Variants in PARVA observed in about 807,000 individuals in gnomAD.
The protein encoded by PARVA is alpha-parvin.
In PARVA, 25 loss-of-function variants were observed where a neutral mutation model predicts 52.6. The ratio of observed to expected loss-of-function variants is 0.48; its 90% CI spans 0.35 to 0.66. The LOEUF (loss-of-function observed/expected upper bound fraction) is 0.66. PARVA is among the 30% of genes least tolerant of loss of function. The pLI, the probability that PARVA is intolerant of heterozygous loss-of-function variation, is 0.01. For missense variants in PARVA, 373 were observed against 450.9 expected, an observed-to-expected ratio of 0.83 and a Z score of 1.56; for synonymous variants, 185 against 179.1, an observed-to-expected ratio of 1.03 and a Z score of -0.26.
intron 1 of PARVA, among the ~76,000 whole-genome samples, chr11:12,413,650 C>T (rs1007688501): frequency 1.3e-5 from 2 of 152,210 alleles, no homozygotes; most frequent in Non-Finnish European, 2.9e-5. Context: ...CATGATCTTA[C>T]GTGCACCTCT....
intron 7 of PARVA, among the ~76,000 whole-genome samples, chr11:12,509,040 C>G (rs529194053): frequency 6.6e-6 from 1 of 150,686 alleles, no homozygotes; most frequent in South Asian, 2.1e-4. Context: ...CCCAGAAAGC[C>G]TCTCTACCTT....
At chr11:12,437,954 G>A (rs1269222463) in intron 1 of PARVA, among the ~76,000 whole-genome samples, 1 of 152,018 alleles carries the variant, frequency 6.6e-6, no homozygotes, top group Admixed American at 6.6e-5. Flanking sequence ...CTGTCTTCTG[G>A]TTCTATAAAA....
At chr11:12,430,207 T>G (rs1375736688) in intron 1 of PARVA, among the ~76,000 whole-genome samples, 1 of 152,230 alleles carries the variant, frequency 6.6e-6, no homozygotes, top group Non-Finnish European at 1.5e-5. Context: ...TGTGTAGTAG[T>G]ACTTCTGCCA....
chr11:12,481,507 A>G (rs1383862465), intron 4 of PARVA, among the ~76,000 whole-genome samples: 1 of 151,662 alleles, frequency 6.6e-6, no homozygotes, highest in East Asian at 1.9e-4. Context: ...TTCTTACTCC[A>G]GTCCTGAAAT....
chr11:12,520,408 G>T (rs1299592095), intron 12 of PARVA, among the ~76,000 whole-genome samples: 1 of 152,236 alleles, frequency 6.6e-6, no homozygotes, highest in Admixed American at 6.5e-5. Flanking sequence ...GCCAATGTGG[G>T]TAATTCTTTG....
intron 3 of PARVA, 109 bp from the exon 4 acceptor site, chr11:12,477,738 C>T (rs1488278319): frequency 4.4e-6 from 3 of 675,514 alleles, no homozygotes; most frequent in Non-Finnish European, 7.9e-6. Flanking sequence ...AACTTAAAAT[C>T]TAAAGTTAAT....
intron 1 of PARVA, among the ~76,000 whole-genome samples, chr11:12,449,504 C>T (rs1940595087): frequency 6.6e-6 from 1 of 152,182 alleles, no homozygotes. Flanking sequence ...AAGGCTCTGT[C>T]TTCTAAGGAA....
chr11:12,520,939 AGAAAGGAAAAAAG>A (rs1941629552), intron 12 of PARVA, among the ~76,000 whole-genome samples: 1 of 151,144 alleles, frequency 6.6e-6, no homozygotes, highest in Middle Eastern at 3.4e-3. Context: ...CCTGTCTCAA[AGAAAGGAAAAAAG>A]GAAAGAAAAA....
chr11:12,465,364 C>T (rs1382145005), intron 1 of PARVA, among the ~76,000 whole-genome samples: 2 of 152,180 alleles, frequency 1.3e-5, no homozygotes, highest in African/African-American at 2.4e-5. Flanking sequence ...ACATCTTAGC[C>T]TCCATAACTG....
At chr11:12,471,606 G>C (rs1264986550) in intron 1 of PARVA, among the ~76,000 whole-genome samples, 1 of 151,784 alleles carries the variant, frequency 6.6e-6, no homozygotes, top group Non-Finnish European at 1.5e-5. Context: ...AACAGGAGCA[G>C]AAAACCAAAT....
At chr11:12,378,587 T>G (rs1939440181) in intron 1 of PARVA, among the ~76,000 whole-genome samples, 1 of 151,568 alleles carries the variant, frequency 6.6e-6, no homozygotes, top group Non-Finnish European at 1.5e-5. Flanking sequence ...TTTTTTTTTT[T>G]TTTTTTTCAG....
At chr11:12,492,519 A>G (rs981879111) in intron 4 of PARVA, among the ~76,000 whole-genome samples, 4 of 152,164 alleles carry the variant, frequency 2.6e-5, no homozygotes, top group Admixed American at 6.5e-5. Context: ...GTAAATTACT[A>G]TTAAGCTATA....
chr11:12,392,728 T>C (rs1363507735), intron 1 of PARVA, among the ~76,000 whole-genome samples: 2 of 152,172 alleles, frequency 1.3e-5, no homozygotes, highest in Non-Finnish European at 2.9e-5. Flanking sequence ...TTGTCTTAGG[T>C]ATATACCTAG....
chr11:12,430,193 C>T, intron 1 of PARVA, among the ~76,000 whole-genome samples: 1 of 152,152 alleles, frequency 6.6e-6, no homozygotes, highest in East Asian at 1.9e-4. Flanking sequence ...GAGCAGCACA[C>T]CATTGTGTAG....
At chr11:12,526,824 G>A (rs535931584) in intron 12 of PARVA, among the ~76,000 whole-genome samples, 2 of 152,126 alleles carry the variant, frequency 1.3e-5, no homozygotes, top group African/African-American at 4.8e-5. Context: ...CTAGGAGAGT[G>A]ACAGCAGAGG....
At chr11:12,445,546 GATCT>G (rs67909293) in intron 1 of PARVA, among the ~76,000 whole-genome samples, 43,751 of 151,792 alleles carry the variant, frequency 0.29, 6,806 homozygotes, top group Non-Finnish European at 0.35. Flanking sequence ...GGAAGGCCTG[GATCT>G]AGAGGGGCAA....
intron 1 of PARVA, among the ~76,000 whole-genome samples, chr11:12,385,151 C>T (rs972114609): frequency 6.6e-6 from 1 of 152,078 alleles, no homozygotes; most frequent in African/African-American, 2.4e-5. Flanking sequence ...GCCTGGGCAA[C>T]ATGGCGAAAC....
At chr11:12,438,978 A>G (rs1940425264) in intron 1 of PARVA, among the ~76,000 whole-genome samples, 1 of 152,188 alleles carries the variant, frequency 6.6e-6, no homozygotes, top group Admixed American at 6.5e-5. Context: ...AGATTGAGGC[A>G]AAATGGTGTT....
intron 4 of PARVA, among the ~76,000 whole-genome samples, chr11:12,489,456 A>T (rs961616405): frequency 7.2e-5 from 11 of 152,326 alleles, no homozygotes; most frequent in African/African-American, 2.6e-4. Flanking sequence ...AAGACAACAG[A>T]ATAGAAAACG....
Sources: gnomAD v4.1 joint callset for allele counts (sites outside exome capture counted in the v4.1 genomes callset) on GRCh38, gnomAD v4.1.1 for gene constraint, MANE v1.5 for transcripts, NCBI Gene and HGNC (gene_info 2026-07-23, HGNC 2026-07-21) for gene names.